ANXA6: variants seen among roughly 807,000 people sequenced by gnomAD.
ANXA6 encodes annexin A6.
A neutral mutation model predicts 95.4 loss-of-function variants in ANXA6; 71 were observed. That is an observed-to-expected ratio of 0.74 (90% CI 0.61 to 0.91). The LOEUF (loss-of-function observed/expected upper bound fraction) is 0.91, where lower values mean the gene tolerates loss of function less well. Ranked by LOEUF, ANXA6 falls within the 40% of genes least tolerant of loss-of-function variation. ANXA6 has a pLI of 0.00. For missense variants in ANXA6, 830 were observed against 876.4 expected (o/e 0.95, Z 0.67); for synonymous variants, 289 against 315.9 (o/e 0.91, Z 0.90).
intron 1 of ANXA6, among the ~76,000 whole-genome samples, chr5:151,153,213 T>G (rs1766150359): frequency 6.6e-6 from 1 of 152,216 alleles, no homozygotes; most frequent in African/African-American, 2.4e-5. Context: ...ACCAACATTT[T>G]TAATCCAGCT....
At chr5:151,134,539 C>T (rs1765604605) in intron 7 of ANXA6, 56 bp from the exon 8 acceptor site, 2 of 1,585,566 alleles carry the variant, frequency 1.3e-6, no homozygotes, top group African/African-American at 1.3e-5. Flanking sequence ...AGGAGGGAGG[C>T]CTGGATGCCA....
Position 151,101,057 on chromosome 5 carries a change from A to G in ANXA6, c.*391T>C. The G allele has an allele frequency of 2.1e-6, 1 of 475,176 alleles. No individual in the cohort carries two copies. The allele number at this position is 475,176 out of a possible 1,614,324, so 29.4% of individuals were successfully genotyped here. Reference sequence around the variant, plus strand: ...CCCACCACCCCGCCCAGCACATTCAACTGGCCCCTGCCACCAACCCCCTCA... The same window carrying G: ...CCCACCACCCCGCCCAGCACATTCAGCTGGCCCCTGCCACCAACCCCCTCA... On this transcript the variant is annotated 3_prime_UTR_variant, in exon 26 of 26. Coordinates refer to ENST00000354546, the MANE Select transcript of ANXA6 (RefSeq NM_001155.5).
chr5:151,128,108 A>T (rs1765379643), intron 13 of ANXA6, 73 bp downstream of exon 13: 10 of 1,306,388 alleles, frequency 7.7e-6, no homozygotes, highest in Non-Finnish European at 1.1e-5. Flanking sequence ...ACCCATCAGG[A>T]TGCGAGCCAG....
In ANXA6 at chr5:151,129,457, G is replaced by T; in HGVS notation, c.868C>A (p.Arg290=). 1 of 1,613,316 alleles carries T rather than the reference G, an allele frequency of 6.2e-7. No homozygotes were observed. The highest frequency in any genetic ancestry group is 8.5e-7 in the Non-Finnish European group (1 of 1,179,794). ...TCATACTTGGTCCGGAAGATCTCCC[G>T]AATGTCGAGCATGTCCAACTCACTA... ...SRSELDMLDI[R]EIFRTKYEKS... The change falls in exon 12 of 26, where the codon CGG becomes AGG. Residue 290 remains arginine (R), a synonymous_variant. Transcript: ENST00000354546.
rs201960506 is a variant in ANXA6, at chr5:151,122,988, C to T, written c.1162G>A (p.Asp388Asn). 32 of 1,613,792 alleles carry T rather than the reference C, an allele frequency of 2.0e-5. No homozygotes were observed. The highest frequency in any genetic ancestry group is 3.3e-5 in the Admixed American group (2 of 60,030). Residue 388 changes from aspartate to asparagine, a missense_variant, in exon 16 of 26, where the codon GAT becomes AAT. Physicochemically the swap from Asp to Asn is conservative, Grantham distance 23 (BLOSUM62 1). Transcript: ENST00000354546. ...ACATTGCTGCGGTGCGTGATGATAT[C>T]GATGATTGTGTCTTCGTCAGTCCCT... is the stretch of plus-strand genomic sequence containing the variant. ...GLGTDEDTII[D>N]IITHRSNVQR...
chr5:151,117,600 G>A (rs936368774), intron 19 of ANXA6, among the ~76,000 whole-genome samples, 158 bp downstream of exon 19: 5 of 152,224 alleles, frequency 3.3e-5, no homozygotes, highest in African/African-American at 1.2e-4. Flanking sequence ...GGGAACAACA[G>A]GGGTAGGCGG....
At chr5:151,130,222 G>GTT (rs141209191) in intron 11 of ANXA6, among the ~76,000 whole-genome samples, 2 of 149,552 alleles carry the variant, frequency 1.3e-5, no homozygotes, top group Admixed American at 6.7e-5. Context: ...ACTGTTATAA[G>GTT]TTTTTTTTTT....
chr5:151,110,605 A>T (rs1339758045), intron 21 of ANXA6, 22 bp downstream of exon 21: 2 of 1,612,736 alleles, frequency 1.2e-6, no homozygotes, highest in Non-Finnish European at 1.7e-6. Context: ...GTTAAAACCC[A>T]AATGAAGAAC....
chr5:151,122,147 C>T lies in ANXA6; in HGVS notation c.1347G>A (p.Glu449=). 1 of 1,584,288 alleles carries T rather than the reference C, an allele frequency of 6.3e-7. No homozygotes were observed. The highest frequency in any genetic ancestry group is 1.2e-5 in the South Asian group (1 of 85,722). The change falls in exon 17 of 26, where the codon GAG becomes GAA. Residue 449 remains glutamate, a splice_region_variant and synonymous_variant. Coordinates refer to ENST00000354546, the MANE Select transcript of ANXA6 (RefSeq NM_001155.5). Reference sequence around the variant, plus strand: ...TAGACCCCCTGGTGCCACACTGTACCTCCATGGCCTTCTTCAACTGCTTGG... The same window carrying T: ...TAGACCCCCTGGTGCCACACTGTACTTCCATGGCCTTCTTCAACTGCTTGG... ...YDAKQLKKAM[E]GAGTDEKALI...
At chr5:151,155,501 T>A (rs1766213200) in intron 1 of ANXA6, 1 of 151,742 alleles carries the variant, frequency 6.6e-6, no homozygotes, top group African/African-American at 2.4e-5. Context: ...GGAAAGGGAG[T>A]GAGGCTGGAT....
intron 17 of ANXA6, among the ~76,000 whole-genome samples, chr5:151,120,922 AACTC>A (rs1465700045): frequency 6.6e-6 from 1 of 152,140 alleles, no homozygotes; most frequent in East Asian, 1.9e-4. Flanking sequence ...GTCTCCCCCT[AACTC>A]ACTGACTCTC....
intron 6 of ANXA6, 22 bp from the exon 7 acceptor site, chr5:151,136,357 C>T (rs1263383779): frequency 1.2e-6 from 2 of 1,612,690 alleles, no homozygotes. Flanking sequence ...AACGCAAGCT[C>T]TAGTCTCATC....
At position 151,116,896 on chromosome 5, in the gene ANXA6, G is replaced by T. The variant is rs148072717; in HGVS notation, c.1572+231C>A. Among the ~76,000 whole-genome samples, 771 of 152,296 alleles carry T rather than the reference G, an allele frequency of 5.1e-3. 10 individuals are homozygous for T. Among genetic ancestry groups the T allele is most frequent in the African/African-American group, 0.017 (723 of 41,564 alleles). On this transcript the variant is annotated intron_variant, in intron 20 of 25. Coordinates refer to ENST00000354546, the MANE Select transcript of ANXA6 (RefSeq NM_001155.5). ...ATGAGGGCTTTGACCTGGGTGATCT[G>T]CAGGTCCCTGCCAGCTCTGAGGGTC... is the stretch of plus-strand genomic sequence containing the variant.
At chr5:151,105,205 C>T in intron 24 of ANXA6, 40 bp downstream of exon 24, 1 of 1,579,956 alleles carries the variant, frequency 6.3e-7, no homozygotes, top group South Asian at 1.1e-5. Flanking sequence ...GTATGTAAGT[C>T]AGTGCTTGAA....
intron 2 of ANXA6, among the ~76,000 whole-genome samples, chr5:151,145,043 G>A (rs1765939537): frequency 6.6e-6 from 1 of 152,160 alleles, no homozygotes; most frequent in African/African-American, 2.4e-5. Flanking sequence ...CTGACTGCCT[G>A]TCACACCTCC....
Position 151,147,935 on chromosome 5 carries a change from A to G in ANXA6, c.-25-9T>C, listed in dbSNP as rs76347253. ...GTTCGCAGCAGAATCCACTGTAGAG[A>G]AGAAAGACAGCATGTGAGATTCCCC... is the stretch of plus-strand genomic sequence containing the variant. On this transcript the variant is annotated splice_polypyrimidine_tract_variant and intron_variant, in intron 1 of 25. Coordinates refer to ENST00000354546, the MANE Select transcript of ANXA6 (RefSeq NM_001155.5). The G allele has an allele frequency of 5.8e-4, 922 of 1,601,040 alleles. 3 individuals are homozygous for G. The African/African-American group carries it at 0.011, about 19-fold the overall frequency.
chr5:151,134,544 A>T, intron 7 of ANXA6, 61 bp from the exon 8 acceptor site: 1 of 1,574,320 alleles, frequency 6.4e-7, no homozygotes, highest in East Asian at 2.2e-5. Context: ...GGAGGCCTGG[A>T]TGCCAGTGGT....
intron 1 of ANXA6, chr5:151,151,325 T>C (rs1254871145): frequency 6.6e-6 from 1 of 152,208 alleles, no homozygotes; most frequent in Non-Finnish European, 1.5e-5. Flanking sequence ...TTACATCTAG[T>C]GTTTCTGAAT....
At chr5:151,117,091 C>T (rs1351185113) in intron 20 of ANXA6, 36 bp downstream of exon 20, 1 of 1,539,072 alleles carries the variant, frequency 6.5e-7, no homozygotes, top group Non-Finnish European at 8.8e-7. Context: ...TCAGGGACAC[C>T]CGGCAGAGGT....
Sources: gnomAD v4.1 joint callset for allele counts (sites outside exome capture counted in the v4.1 genomes callset) on GRCh38, gnomAD v4.1.1 for gene constraint, MANE v1.5 for transcripts, NCBI Gene and HGNC (gene_info 2026-07-23, HGNC 2026-07-21) for gene names.